CEP192: variants seen among roughly 807,000 people sequenced by gnomAD.
CEP192 encodes the protein centrosomal protein of 192 kDa.
Under a neutral mutation model 271.8 loss-of-function variants are expected in CEP192, and 151 were observed. The observed-to-expected ratio is 0.56, with a 90% CI of 0.49 to 0.64. The LOEUF is 0.64. Among genes scored for constraint, CEP192 ranks in the 30% least tolerant of loss-of-function variants. The pLI is 0.00. For missense variants in CEP192, 2,910 were observed against 3,020.5 expected (o/e 0.96, Z 0.86); for synonymous variants, 995 against 1,076.5 (o/e 0.92, Z 1.48).
chr18:13,020,958 T>G (rs1281012528), intron 9 of CEP192, among the ~76,000 whole-genome samples: 1 of 152,204 alleles, frequency 6.6e-6, no homozygotes, highest in Non-Finnish European at 1.5e-5. Context: ...CTTTATGTCA[T>G]CTGGATATTA....
chr18:12,993,805 A>G (rs1056564347), intron 1 of CEP192, among the ~76,000 whole-genome samples: 5 of 152,198 alleles, frequency 3.3e-5, no homozygotes, highest in Admixed American at 6.5e-5. Context: ...CAAATTTGAC[A>G]TGGGGATTAG....
intron 36 of CEP192, 124 bp downstream of exon 36, chr18:13,096,431 A>ATGCTTTGTGC: frequency 1.6e-6 from 2 of 1,284,462 alleles, no homozygotes; most frequent in African/African-American, 1.5e-5. Flanking sequence ...GACTCTGCAC[A>ATGCTTTGTGC]AAGCATGTGC....
At chr18:13,048,081 A>G (rs2036577075) in intron 15 of CEP192, among the ~76,000 whole-genome samples, 1 of 152,234 alleles carries the variant, frequency 6.6e-6, no homozygotes, top group Non-Finnish European at 1.5e-5. Context: ...ATGCTTATAA[A>G]GATCAAACTA....
intron 30 of CEP192, among the ~76,000 whole-genome samples, chr18:13,083,007 C>T (rs2038705675): frequency 6.6e-6 from 1 of 152,204 alleles, no homozygotes; most frequent in African/African-American, 2.4e-5. Context: ...GTCTGATGTG[C>T]TTCCCTTTGT....
At chr18:13,061,500 C>T (rs764555705) in intron 21 of CEP192, among the ~76,000 whole-genome samples, 4 of 152,162 alleles carry the variant, frequency 2.6e-5, no homozygotes, top group African/African-American at 4.8e-5. Flanking sequence ...CCTAGCTCAA[C>T]GACTTTATTT....
At chr18:13,100,608 C>A in intron 38 of CEP192, 96 bp downstream of exon 38, 1 of 957,936 alleles carries the variant, frequency 1.0e-6, no homozygotes, top group Non-Finnish European at 1.6e-6. Flanking sequence ...ATATAAATTT[C>A]CTCCTACTTC....
rs765446790 is a variant in CEP192, at chr18:13,017,260, G to A, written c.713G>A (p.Gly238Glu). The change falls in exon 7 of 45, where the codon GGA (glycine) becomes GAA (glutamate). Residue 238 changes from glycine to glutamate, a missense_variant. Transcript: ENST00000506447. ...TATTTTGAACAACTGGCAATTCCAG[G>A]AATGATATATGAAGACCTAGAAGGA... is the stretch of plus-strand genomic sequence containing the variant. ...EAYFEQLAIPGMIYEDLEGPE... is the reference protein window; with the variant it reads ...EAYFEQLAIPEMIYEDLEGPE... 3 of 1,549,988 alleles carry A rather than the reference G, an allele frequency of 1.9e-6. No homozygotes were observed. Among genetic ancestry groups the A allele is most frequent in the Admixed American group, 2.0e-5 (1 of 50,932 alleles).
At chr18:13,023,923 A>G (rs985340819) in intron 9 of CEP192, among the ~76,000 whole-genome samples, 5 of 152,082 alleles carry the variant, frequency 3.3e-5, no homozygotes, top group African/African-American at 1.2e-4. Flanking sequence ...CTCAAATTGT[A>G]TCTATTTCGT....
intron 17 of CEP192, 37 bp from the exon 18 acceptor site, chr18:13,052,882 T>A (rs1467188030): frequency 1.5e-6 from 2 of 1,378,538 alleles, no homozygotes; most frequent in Admixed American, 2.2e-5. Flanking sequence ...GTTGAAGGAC[T>A]GGAGAACTCC....
chr18:13,016,223 A>C (rs916801247), intron 6 of CEP192, among the ~76,000 whole-genome samples: 2 of 152,164 alleles, frequency 1.3e-5, no homozygotes, highest in Non-Finnish European at 2.9e-5. Flanking sequence ...TTCTAGAAAA[A>C]GGATGGAGCC....
Position 13,068,923 on chromosome 18 carries a change from G to T in CEP192, c.4894G>T (p.Val1632Phe), listed in dbSNP as rs142781329. The T allele has an allele frequency of 3.1e-6, 5 of 1,614,040 alleles. No homozygotes were observed. The highest frequency in any genetic ancestry group is 3.3e-5 in the Admixed American group (2 of 60,000). ...IEVDSPNPTP[V>F]LRSVSLRARA... ...AGTTGACAGCCCAAACCCTACGCCC[G>T]TTCTTAGAAGTGTGAGTCTCCGAGC... The change falls in exon 25 of 45, where the codon GTT (valine) becomes TTT (phenylalanine). Residue 1632 changes from valine (V) to phenylalanine (F), a missense_variant. By Grantham distance (50) the Val-to-Phe change is conservative (BLOSUM62 -1). Coordinates refer to ENST00000506447, the MANE Select transcript of CEP192 (RefSeq NM_032142.4).
intron 34 of CEP192, among the ~76,000 whole-genome samples, chr18:13,093,292 T>C (rs1052205983): frequency 8.5e-5 from 13 of 152,282 alleles, no homozygotes; most frequent in Admixed American, 2.6e-4. Context: ...GTTCCAATAA[T>C]GTCCTTTATG....
chr18:13,049,763 A>G lies in CEP192; in HGVS notation c.2891-2A>G. The G allele has an allele frequency of 6.2e-7, 1 of 1,609,276 alleles. No homozygotes were observed. The highest frequency in any genetic ancestry group is 8.5e-7 in the Non-Finnish European group (1 of 1,178,462). On this transcript the variant is annotated splice_acceptor_variant, in intron 16 of 44. Transcript: ENST00000506447. LOFTEE classifies it high-confidence loss of function. ...TTACTGGAAAATACCCCTTTCTGAT[A>G]GATTTGAAAAATACCTCTCCTGAGC...
At chr18:12,998,090 C>G (rs768593529) in intron 1 of CEP192, among the ~76,000 whole-genome samples, 3 of 152,198 alleles carry the variant, frequency 2.0e-5, no homozygotes, top group Non-Finnish European at 4.4e-5. Context: ...TTAGTCCATA[C>G]TGTCTAAAAT....
chr18:13,056,439 C>T lies in CEP192; in HGVS notation c.3849C>T (p.Gly1283=), dbSNP rs764079792. ...GSTTLPQCHA[G]NATVCGFSGG... is the part of the protein sequence containing the mutation. ...CCACCTTGCCTCAGTGCCATGCTGG[C>T]AATGCCACAGTCTGTGGCTTCTCAG... Residue 1283 remains glycine (G), a synonymous_variant, in exon 19 of 45, where the codon GGC becomes GGT. Transcript: ENST00000506447. The T allele has an allele frequency of 6.2e-7, 1 of 1,614,256 alleles. No individual in the cohort carries two copies. Among genetic ancestry groups the T allele is most frequent in the Non-Finnish European group, 8.5e-7 (1 of 1,180,038 alleles).
chr18:13,053,863 A>AT (rs549624795), intron 18 of CEP192, among the ~76,000 whole-genome samples: 29 of 149,494 alleles, frequency 1.9e-4, no homozygotes, highest in East Asian at 5.9e-4. Context: ...CTAATTTTTC[A>AT]TTTTTTTTTG....
At chr18:13,124,609 GTC>G (rs1568456241) in intron 44 of CEP192, 21 bp from the exon 45 acceptor site, 1 of 1,601,072 alleles carries the variant, frequency 6.2e-7, no homozygotes, top group South Asian at 1.1e-5. Flanking sequence ...ACATGCTGCT[GTC>G]ATGTGCCTCT....
At chr18:13,063,030 C>G (rs2037493602) in intron 21 of CEP192, among the ~76,000 whole-genome samples, 1 of 152,174 alleles carries the variant, frequency 6.6e-6, no homozygotes, top group South Asian at 2.1e-4. Context: ...ATCTCCAGTT[C>G]CATCCATGTT....
intron 37 of CEP192, 36 bp from the exon 38 acceptor site, chr18:13,100,269 C>A: frequency 7.0e-7 from 1 of 1,432,328 alleles, no homozygotes; most frequent in Non-Finnish European, 9.8e-7. Context: ...GTGATAGATA[C>A]GTTTGTAGCT....
Sources: gnomAD v4.1 joint callset for allele counts (sites outside exome capture counted in the v4.1 genomes callset) on GRCh38, gnomAD v4.1.1 for gene constraint, MANE v1.5 for transcripts, NCBI Gene and HGNC (gene_info 2026-07-23, HGNC 2026-07-21) for gene names.